WDR17: variants seen among roughly 807,000 people sequenced by gnomAD.
The protein encoded by WDR17 is WD repeat-containing protein 17.
In WDR17, 143 loss-of-function variants were observed where a neutral mutation model predicts 161.7. The ratio of observed to expected loss-of-function variants is 0.88; its 90% CI spans 0.77 to 1.02. The LOEUF is 1.02. Ranked by LOEUF, WDR17 falls within the 50% of genes least tolerant of loss-of-function variation. The probability of loss-of-function intolerance (pLI) is 0.00; values close to 1 mark genes in which losing one functional copy is unlikely to be tolerated. For missense variants in WDR17, 1,469 were observed against 1,520.9 expected (o/e 0.97, Z 0.57); for synonymous variants, 517 against 515.6 (o/e 1.00, Z -0.04).
intron 1 of WDR17, among the ~76,000 whole-genome samples, chr4:176,098,829 A>G (rs1737330602): frequency 6.6e-6 from 1 of 151,834 alleles, no homozygotes; most frequent in South Asian, 2.1e-4. Context: ...TTTTTGAAAT[A>G]GCTATTTTAT....
chr4:176,089,393 T>C (rs1735825021), intron 1 of WDR17, among the ~76,000 whole-genome samples: 1 of 152,198 alleles, frequency 6.6e-6, no homozygotes, highest in Non-Finnish European at 1.5e-5. Flanking sequence ...TCATTCTAAT[T>C]ATTTTATAGT....
intron 7 of WDR17, among the ~76,000 whole-genome samples, chr4:176,133,272 A>G (rs1165985879): frequency 1.2e-4 from 15 of 127,442 alleles, no homozygotes; most frequent in South Asian, 5.0e-4. Context: ...AAAAAAAAAA[A>G]AAGAAGAAGA....
At chr4:176,107,123 A>G (rs1294401423) in intron 1 of WDR17, among the ~76,000 whole-genome samples, 3 of 152,142 alleles carry the variant, frequency 2.0e-5, no homozygotes, top group Non-Finnish European at 4.4e-5. Flanking sequence ...TGAAAAATGG[A>G]CAAGATACTT....
intron 6 of WDR17, among the ~76,000 whole-genome samples, chr4:176,129,834 G>A (rs1743072666): frequency 6.7e-6 from 1 of 149,350 alleles, no homozygotes; most frequent in African/African-American, 2.4e-5. Flanking sequence ...GACTAGAGAA[G>A]TAATATGCTG....
chr4:176,110,275 G>T (rs543880823), intron 1 of WDR17, among the ~76,000 whole-genome samples: 1 of 152,208 alleles, frequency 6.6e-6, no homozygotes, highest in East Asian at 1.9e-4. Flanking sequence ...CTGAGTAGCT[G>T]GGACCACAGG....
intron 1 of WDR17, among the ~76,000 whole-genome samples, chr4:176,075,330 T>C (rs2126566028): frequency 6.6e-6 from 1 of 152,238 alleles, no homozygotes; most frequent in Admixed American, 6.5e-5. Flanking sequence ...TTTCTACTGA[T>C]TACCTTTGTT....
Position 176,097,923 on chromosome 4 carries a change from T to G in WDR17, c.-6-13652T>G, listed in dbSNP as rs192715750. On this transcript the variant is annotated intron_variant, in intron 1 of 28. Coordinates refer to ENST00000508596, the MANE Select transcript of WDR17 (RefSeq NM_181265.4). Reference sequence around the variant, plus strand: ...ATCTTCCTCTTCTTGCCCTTTATACTACTATGGGCCTTTATAAATGAATGC... The same window carrying G: ...ATCTTCCTCTTCTTGCCCTTTATACGACTATGGGCCTTTATAAATGAATGC... 8.5e-5 allele frequency among the ~76,000 whole-genome samples: 13 copies of G among 152,138 alleles called. No individual in the cohort carries two copies. The East Asian group carries it at 2.3e-3, about 27-fold the overall frequency.
chr4:176,177,711 T>C (rs1656400073), intron 28 of WDR17, 57 bp downstream of exon 28: 4 of 1,508,572 alleles, frequency 2.7e-6, no homozygotes, highest in Non-Finnish European at 3.5e-6. Context: ...TGTTTACTTT[T>C]TGAAATATCT....
intron 1 of WDR17, among the ~76,000 whole-genome samples, chr4:176,104,664 A>G (rs1365585120): frequency 6.6e-6 from 1 of 152,076 alleles, no homozygotes; most frequent in Non-Finnish European, 1.5e-5. Context: ...GAATAAAGTT[A>G]AATTAGAGTC....
intron 22 of WDR17, among the ~76,000 whole-genome samples, chr4:176,165,065 G>A (rs903350312): frequency 7.2e-6 from 1 of 139,278 alleles, no homozygotes; most frequent in African/African-American, 2.7e-5. Flanking sequence ...AGTGGCTCAC[G>A]CCTGTAATCC....
At chr4:176,139,852 G>A in intron 9 of WDR17, 40 bp from the exon 10 acceptor site, 1 of 1,500,356 alleles carries the variant, frequency 6.7e-7, no homozygotes, top group Non-Finnish European at 9.2e-7. Flanking sequence ...AAAAAGGGGT[G>A]AATTATTTCT....
At chr4:176,161,474 G>A (rs1237329629) in intron 20 of WDR17, among the ~76,000 whole-genome samples, 1 of 152,028 alleles carries the variant, frequency 6.6e-6, no homozygotes, top group Non-Finnish European at 1.5e-5. Flanking sequence ...AAAAGAAATG[G>A]AAATGAGAAT....
Position 176,160,085 on chromosome 4 carries a change from A to C in WDR17, c.2617A>C (p.Met873Leu), listed in dbSNP as rs759278071. ...TGTGAAAAAGCTAGTCCATTTTTTC[A>C]TGTCAAGAGGTCAGCTTAAAGAAGC... Reference protein sequence around the residue: ...GDVKKLVHFFMSRGQLKEALL... With the variant: ...GDVKKLVHFFLSRGQLKEALL... The change falls in exon 19 of 29, where the codon ATG becomes CTG. Residue 873 changes from methionine to leucine, a missense_variant. Physicochemically the swap from Met to Leu is conservative, Grantham distance 15 (BLOSUM62 2). Coordinates refer to ENST00000508596, the MANE Select transcript of WDR17 (RefSeq NM_181265.4). 16 of 1,613,820 alleles carry C rather than the reference A, an allele frequency of 9.9e-6. No homozygotes were observed. In the South Asian group the frequency reaches 1.8e-4, roughly 18 times the overall value.
rs151159548 is a variant in WDR17, at chr4:176,135,209, C to A, written c.1200C>A (p.Asn400Lys). The change falls in exon 8 of 29, where the codon AAC becomes AAA. Residue 400 changes from asparagine (N) to lysine (K), a missense_variant. Coordinates refer to ENST00000508596, the MANE Select transcript of WDR17 (RefSeq NM_181265.4). ...GCACTATAAAAGTCTGGGATATAAA[C>A]ACATTAACAGCAGTGTACACATCCC... ...FDGTIKVWDI[N>K]TLTAVYTSPG... is the part of the protein sequence containing the mutation. 1,221 of 1,612,350 alleles carry A rather than the reference C, an allele frequency of 7.6e-4. 2 individuals are homozygous for A. Among genetic ancestry groups the A allele is most frequent in the Middle Eastern group, 3.6e-3 (22 of 6,056 alleles).
At chr4:176,132,970 T>C (rs902995309) in intron 7 of WDR17, among the ~76,000 whole-genome samples, 2 of 151,652 alleles carry the variant, frequency 1.3e-5, no homozygotes, top group African/African-American at 2.4e-5. Context: ...CAGCACTGGG[T>C]TGAGTCACTA....
chr4:176,089,741 C>A (rs963275153), intron 1 of WDR17, among the ~76,000 whole-genome samples: 6 of 152,084 alleles, frequency 3.9e-5, no homozygotes, highest in African/African-American at 1.4e-4. Flanking sequence ...TTGGACAGAA[C>A]TGGGGACTAA....
intron 10 of WDR17, 132 bp downstream of exon 10, chr4:176,140,106 C>T: frequency 1.6e-6 from 1 of 613,044 alleles, no homozygotes; most frequent in East Asian, 2.9e-5. Context: ...ATTTTTAAGC[C>T]CATATAGGCA....
intron 18 of WDR17, among the ~76,000 whole-genome samples, chr4:176,158,566 T>C (rs1748518859): frequency 6.6e-6 from 1 of 152,214 alleles, no homozygotes; most frequent in South Asian, 2.1e-4. Context: ...CTTGTGATTT[T>C]AGTGGCATTG....
intron 4 of WDR17, among the ~76,000 whole-genome samples, chr4:176,121,889 T>C (rs1429924910): frequency 2.0e-5 from 3 of 152,204 alleles, no homozygotes; most frequent in African/African-American, 4.8e-5. Context: ...GAAGAGACCA[T>C]TGTTTTTCAA....
Sources: gnomAD v4.1 joint callset for allele counts (sites outside exome capture counted in the v4.1 genomes callset) on GRCh38, gnomAD v4.1.1 for gene constraint, MANE v1.5 for transcripts, NCBI Gene and HGNC (gene_info 2026-07-23, HGNC 2026-07-21) for gene names.